The following VRK2 variants were observed in gnomAD, a reference collection of about 807,000 sequenced individuals.
The protein encoded by VRK2 is serine/threonine-protein kinase VRK2.
VRK2 carries 60 observed loss-of-function variants against 57.6 expected under a neutral mutation model. The ratio of observed to expected loss-of-function variants is 1.04; its 90% CI spans 0.85 to 1.29. VRK2 has a LOEUF of 1.29. Among genes scored for constraint, VRK2 ranks in the 50% most tolerant of loss-of-function variants. The probability of loss-of-function intolerance (pLI) is 0.00; values close to 1 mark genes in which losing one functional copy is unlikely to be tolerated. For synonymous variants in VRK2, 231 were observed against 199.2 expected (o/e 1.16, Z -1.35); for missense variants, 705 against 588.1 (o/e 1.20, Z -2.06).
chr2:58,012,068 T>C (rs1673433038), intron 1 of VRK2, among the ~76,000 whole-genome samples: 1 of 152,172 alleles, frequency 6.6e-6, no homozygotes, highest in Admixed American at 6.5e-5. Flanking sequence ...AGCTGGTTAT[T>C]CTGAGAAAAG....
chr2:57,943,261 TAAG>T (rs1671155624), intron 1 of VRK2, among the ~76,000 whole-genome samples: 1 of 152,176 alleles, frequency 6.6e-6, no homozygotes, highest in Non-Finnish European at 1.5e-5. Context: ...GGCACATGTC[TAAG>T]AAGAAAAATT....
At chr2:58,105,861 A>G (rs1467277494) in intron 7 of VRK2, among the ~76,000 whole-genome samples, 3 of 151,930 alleles carry the variant, frequency 2.0e-5, no homozygotes, top group Non-Finnish European at 4.4e-5. Flanking sequence ...GCTACTTCCA[A>G]TGCTGGTTAG....
chr2:57,991,044 T>C (rs893804261), intron 1 of VRK2, among the ~76,000 whole-genome samples: 4 of 151,208 alleles, frequency 2.6e-5, no homozygotes, highest in African/African-American at 9.9e-5. Flanking sequence ...AAAGAGAATG[T>C]CAAGAATTGC....
chr2:58,155,666 G>A (rs932813750), intron 12 of VRK2, among the ~76,000 whole-genome samples: 4 of 151,942 alleles, frequency 2.6e-5, no homozygotes, highest in African/African-American at 9.7e-5. Flanking sequence ...AAGGGTAGGT[G>A]TGCTCCCTGG....
chr2:57,976,291 G>A (rs1248794244), intron 1 of VRK2, among the ~76,000 whole-genome samples: 1 of 152,080 alleles, frequency 6.6e-6, no homozygotes, highest in East Asian at 1.9e-4. Flanking sequence ...GGAATTGCTG[G>A]GTCAAGTGGT....
intron 1 of VRK2, among the ~76,000 whole-genome samples, chr2:58,014,946 T>C (rs1673530989): frequency 1.3e-5 from 2 of 152,186 alleles, no homozygotes; most frequent in Admixed American, 1.3e-4. Flanking sequence ...TGCTAACACC[T>C]TGATTTTCCC....
intron 2 of VRK2, 82 bp downstream of exon 2, chr2:58,049,049 A>T (rs937842458): frequency 2.0e-6 from 3 of 1,489,774 alleles, no homozygotes; most frequent in African/African-American, 2.8e-5. Flanking sequence ...TAAGAATGGA[A>T]ATATGGAATT....
At position 58,144,244 on chromosome 2, in the gene VRK2, T is replaced by C. The variant is rs536749066; in HGVS notation, c.1024-2072T>C. Among the ~76,000 whole-genome samples, 334 of 151,988 alleles carry C rather than the reference T, an allele frequency of 2.2e-3. 2 individuals carry two copies. The highest frequency in any genetic ancestry group is 7.8e-3 in the African/African-American group (323 of 41,480). On this transcript the variant is annotated intron_variant, in intron 11 of 12. Coordinates refer to ENST00000340157, the MANE Select transcript of VRK2 (RefSeq NM_006296.7). ...GAACAGTATTTGTCGGGATGAGACC[T>C]GGGGAAAATGGGGAGATGCTAGTCA... is the stretch of plus-strand genomic sequence containing the variant.
intron 1 of VRK2, among the ~76,000 whole-genome samples, chr2:57,926,444 TG>T (rs1670536740): frequency 5.0e-5 from 1 of 19,992 alleles, no homozygotes; most frequent in South Asian, 1.0e-3. Context: ...TATATATGTG[TG>T]TGTGTGTGTG....
intron 7 of VRK2, among the ~76,000 whole-genome samples, chr2:58,094,255 C>G (rs1302402595): frequency 6.6e-6 from 1 of 152,156 alleles, no homozygotes; most frequent in Non-Finnish European, 1.5e-5. Flanking sequence ...TTACCTTGGG[C>G]AGTATGGCCA....
At chr2:58,098,578 A>G (rs1673497854) in intron 7 of VRK2, among the ~76,000 whole-genome samples, 1 of 151,992 alleles carries the variant, frequency 6.6e-6, no homozygotes, top group Admixed American at 6.6e-5. Context: ...TGTCTGCAGT[A>G]TTTACTATAG....
chr2:58,154,593 T>C (rs1683510092), intron 12 of VRK2, among the ~76,000 whole-genome samples: 1 of 152,110 alleles, frequency 6.6e-6, no homozygotes, highest in African/African-American at 2.4e-5. Context: ...TGTTTTGATA[T>C]GTTGTATTTT....
chr2:58,066,605 T>C (rs938105016), intron 2 of VRK2, among the ~76,000 whole-genome samples: 5 of 152,204 alleles, frequency 3.3e-5, no homozygotes, highest in African/African-American at 1.2e-4. Flanking sequence ...TTCTGAAGTA[T>C]TCTTTCTTTT....
chr2:57,937,827 C>CTTTTT (rs778615422), intron 1 of VRK2, among the ~76,000 whole-genome samples: 3 of 89,938 alleles, frequency 3.3e-5, no homozygotes, highest in African/African-American at 8.4e-5. Context: ...GTTTATCTTT[C>CTTTTT]TTTTTTTTTT....
chr2:57,913,771 C>G (rs902248649), intron 1 of VRK2, among the ~76,000 whole-genome samples: 1 of 151,820 alleles, frequency 6.6e-6, no homozygotes, highest in South Asian at 2.1e-4. Context: ...TATTAGGATA[C>G]CAAATTGGAT....
intron 1 of VRK2, among the ~76,000 whole-genome samples, chr2:57,950,503 C>T (rs968796413): frequency 3.3e-5 from 5 of 152,196 alleles, no homozygotes; most frequent in African/African-American, 9.7e-5. Flanking sequence ...ACTATTGAGA[C>T]CCACTGCTTA....
intron 1 of VRK2, among the ~76,000 whole-genome samples, chr2:58,011,127 A>T (rs939803583): frequency 6.6e-6 from 1 of 152,218 alleles, no homozygotes; most frequent in African/African-American, 2.4e-5. Flanking sequence ...TATATTTAAC[A>T]GCCCAGGGCA....
At chr2:58,137,235 T>TGTATATC in intron 10 of VRK2, among the ~76,000 whole-genome samples, 1 of 50,722 alleles carries the variant, frequency 2.0e-5, no homozygotes, top group Non-Finnish European at 5.2e-5. Flanking sequence ...ATATGATACA[T>TGTATATC]ATATATCATA....
chr2:58,108,232 T>G (rs1675042435), intron 7 of VRK2, among the ~76,000 whole-genome samples: 1 of 152,168 alleles, frequency 6.6e-6, no homozygotes, highest in Admixed American at 6.5e-5. Context: ...TTGACTCTCT[T>G]TCTCTCAACC....
Sources: allele counts gnomAD v4.1 joint callset (sites outside exome capture counted in the v4.1 genomes callset), GRCh38; gene constraint gnomAD v4.1.1; transcripts MANE v1.5; gene names NCBI Gene and HGNC (gene_info 2026-07-23, HGNC 2026-07-21).